AGAP1: variants seen among roughly 807,000 people sequenced by gnomAD.
The protein encoded by AGAP1 is arf-GAP with GTPase, ANK repeat and PH domain-containing protein 1.
Under a neutral mutation model 105.3 loss-of-function variants are expected in AGAP1, and 29 were observed. That is an observed-to-expected ratio of 0.28 (90% confidence interval 0.21 to 0.38). The LOEUF is 0.38. AGAP1 is among the 10% of genes least tolerant of loss of function. The pLI is 1.00. For synonymous variants in AGAP1, 509 were observed against 485.9 expected (o/e 1.05, Z -0.63); for missense variants, 998 against 1,165.1 (o/e 0.86, Z 2.09).
At chr2:235,653,333 G>A (rs971990120) in intron 1 of AGAP1, among the ~76,000 whole-genome samples, 5 of 151,906 alleles carry the variant, frequency 3.3e-5, no homozygotes, top group South Asian at 2.1e-4. Context: ...GTGTGGTGGC[G>A]GGCACCTGTG....
intron 1 of AGAP1, among the ~76,000 whole-genome samples, chr2:235,595,427 T>G (rs1364241973): frequency 2.0e-5 from 3 of 152,212 alleles, no homozygotes; most frequent in African/African-American, 4.8e-5. Flanking sequence ...CTCAGCTTAC[T>G]CTCACTCCTG....
At chr2:236,026,548 G>A (rs1276979316) in intron 13 of AGAP1, among the ~76,000 whole-genome samples, 1 of 152,184 alleles carries the variant, frequency 6.6e-6, no homozygotes, top group Non-Finnish European at 1.5e-5. Flanking sequence ...GGCCAACATG[G>A]CGAAACCTCA....
chr2:235,896,105 A>G (rs1425145814), intron 10 of AGAP1, among the ~76,000 whole-genome samples: 3 of 152,184 alleles, frequency 2.0e-5, no homozygotes, highest in African/African-American at 7.2e-5. Context: ...ACAAATTCCT[A>G]TCCCCCCTCC....
intron 3 of AGAP1, among the ~76,000 whole-genome samples, chr2:235,735,233 C>G (rs930470213): frequency 6.6e-6 from 1 of 152,206 alleles, no homozygotes; most frequent in Non-Finnish European, 1.5e-5. Context: ...TGATAGCTTT[C>G]AGTTCAATTA....
At position 235,953,863 on chromosome 2, in the gene AGAP1, G is replaced by C. The variant is rs893922199; in HGVS notation, c.1484-14599G>C. ...GCTGGAGCCCCAGGAGTTCAAGGCT[G>C]CAGTGAGCTTTGATCATGCCACTGC... On this transcript the variant is annotated intron_variant, in intron 12 of 17. Coordinates refer to ENST00000304032, the MANE Select transcript of AGAP1 (RefSeq NM_001037131.3). This position sits in a 1 kb window ranked among gnomAD's most constrained non-coding sequence, Gnocchi z 5.2. Among the ~76,000 whole-genome samples, 3 of 151,468 alleles carry C rather than the reference G, an allele frequency of 2.0e-5. No homozygotes were observed. The highest frequency in any genetic ancestry group is 7.3e-5 in the African/African-American group (3 of 41,198).
Position 235,965,411 on chromosome 2 carries a change from A to G in AGAP1, c.1484-3051A>G, listed in dbSNP as rs142912915. Among the ~76,000 whole-genome samples, 10 of 152,320 alleles carry G rather than the reference A, an allele frequency of 6.6e-5. No homozygotes were observed. The East Asian group carries it at 1.9e-3, about 29-fold the overall frequency. ...CGGGGGCGAAGGAAGGCACAGTGAA[A>G]CAGTGTGCCGTTTTGAAGAAGCAAT... On this transcript the variant is annotated intron_variant, in intron 12 of 17. Transcript: ENST00000304032. The surrounding 1 kb of genome is among the most constrained non-coding windows in gnomAD (Gnocchi z 5.8).
At chr2:235,782,687 A>G (rs912556008) in intron 6 of AGAP1, among the ~76,000 whole-genome samples, 1 of 152,214 alleles carries the variant, frequency 6.6e-6, no homozygotes, top group African/African-American at 2.4e-5. Context: ...TAGCAGTACC[A>G]GTGGGAGAAC....
rs1022669865 is a variant in AGAP1, at chr2:235,976,251, C to A, written c.1645+7628C>A. Among the ~76,000 whole-genome samples the A allele has an allele frequency of 1.1e-4, 16 of 152,160 alleles. No homozygotes were observed. Among genetic ancestry groups the A allele is most frequent in the African/African-American group, 3.6e-4 (15 of 41,430 alleles). ...GACAGTTTGCTCTCAGGTTGTAACT[C>A]CAGCTTCCAAGAGAATGAACTTGCT... is the stretch of plus-strand genomic sequence containing the variant. On this transcript the variant is annotated intron_variant, in intron 13 of 17. Transcript: ENST00000304032. The surrounding 1 kb of genome is among the most constrained non-coding windows in gnomAD (Gnocchi z 4.5).
At chr2:235,523,083 C>G (rs1224333782) in intron 1 of AGAP1, among the ~76,000 whole-genome samples, 1 of 152,188 alleles carries the variant, frequency 6.6e-6, no homozygotes, top group Non-Finnish European at 1.5e-5. Flanking sequence ...TGAGGGCTCT[C>G]TTCCTGGCTT....
At chr2:235,791,180 A>G (rs1272510754) in intron 6 of AGAP1, among the ~76,000 whole-genome samples, 3 of 152,210 alleles carry the variant, frequency 2.0e-5, no homozygotes, top group African/African-American at 7.2e-5. Flanking sequence ...AAAATTCTAC[A>G]TATTTCTTTT....
chr2:235,898,878 C>T (rs981314142), intron 10 of AGAP1, among the ~76,000 whole-genome samples: 3 of 152,078 alleles, frequency 2.0e-5, no homozygotes, highest in African/African-American at 7.2e-5. Context: ...TTTTGTCTTC[C>T]AAAGACTTCT....
chr2:235,494,616 CGGCCCGCGGGCCCCGGGGCGCGGG>C lies in AGAP1; in HGVS notation c.-69_-46del. 1 of 857,598 alleles carries C rather than the reference CGGCCCGCGGGCCCCGGGGCGCGGG, an allele frequency of 1.2e-6. No homozygotes were observed. The highest frequency in any genetic ancestry group is 1.4e-6 in the Non-Finnish European group (1 of 719,560). 53.1% of individuals were successfully genotyped at this position (857,598 alleles called of 1,614,324 possible). On this transcript the variant is annotated 5_prime_UTR_variant, in exon 1 of 18. Transcript: ENST00000304032. ...GGGGGCTGCGGCGCCCCGGGCTCGGCGGCCCGCGGGCCCCGGGGCGCGGGGCGGCGGCGGCGGGGGGCGCGCGGC... is the reference window on the plus strand; with the variant it reads ...GGGGGCTGCGGCGCCCCGGGCTCGGCGCGGCGGCGGCGGGGGGCGCGCGGC...
At chr2:235,831,448 G>A (rs2138494) in intron 9 of AGAP1, among the ~76,000 whole-genome samples, 24,023 of 152,130 alleles carry the variant, frequency 0.16, 2,251 homozygotes, top group South Asian at 0.26. Flanking sequence ...CAGTTTCACT[G>A]CCCTAAAAAT....
intron 13 of AGAP1, among the ~76,000 whole-genome samples, chr2:235,995,250 C>T (rs2055759705): frequency 6.6e-6 from 1 of 152,036 alleles, no homozygotes; most frequent in Non-Finnish European, 1.5e-5. Flanking sequence ...CCCAGTGGCT[C>T]ATGCCTGTAA....
rs998523279 is a variant in AGAP1, at chr2:235,741,688, C to T, written c.396+640C>T. 6.6e-6 allele frequency among the ~76,000 whole-genome samples: 1 copy of T among 151,172 alleles called. No homozygotes were observed. The highest frequency in any genetic ancestry group is 1.5e-5 in the Non-Finnish European group (1 of 67,814). On this transcript the variant is annotated intron_variant, in intron 4 of 17. Transcript: ENST00000304032. The surrounding 1 kb of genome is among the most constrained non-coding windows in gnomAD (Gnocchi z 4.9). ...TACAGCATAATTTACCAGTTAAGCA[C>T]TTTATTATTATTGTTATTATTATTA...
At chr2:235,540,832 C>T (rs1943411808) in intron 1 of AGAP1, among the ~76,000 whole-genome samples, 1 of 152,130 alleles carries the variant, frequency 6.6e-6, no homozygotes, top group Non-Finnish European at 1.5e-5. Context: ...GTGTAAACTT[C>T]ATGTTGGATA....
intron 10 of AGAP1, among the ~76,000 whole-genome samples, chr2:235,903,883 A>G (rs2051176637): frequency 6.6e-6 from 1 of 152,148 alleles, no homozygotes. Flanking sequence ...GTGATACAGC[A>G]GCGAATCAAT....
chr2:235,505,263 CAAG>C (rs1347205617), intron 1 of AGAP1, among the ~76,000 whole-genome samples: 1 of 152,202 alleles, frequency 6.6e-6, no homozygotes, highest in Non-Finnish European at 1.5e-5. Flanking sequence ...GTTGCCAACT[CAAG>C]GAGTAATTTT....
Position 236,087,973 on chromosome 2 carries a change from G to C in AGAP1, c.2115-32219G>C, listed in dbSNP as rs2058973315. Among the ~76,000 whole-genome samples the C allele has an allele frequency of 6.6e-6, 1 of 152,172 alleles. No homozygotes were observed. Among genetic ancestry groups the C allele is most frequent in the Admixed American group, 6.5e-5 (1 of 15,280 alleles). ...GACAGGGAGGACGAGAGACCTGCTT[G>C]GTATCCTTGGCCCCGGGGTCCAGGT... On this transcript the variant is annotated intron_variant, in intron 16 of 17. Transcript: ENST00000304032. The surrounding 1 kb of genome is among the most constrained non-coding windows in gnomAD (Gnocchi z 5.7).
Sources: gnomAD v4.1 joint callset for allele counts (sites outside exome capture counted in the v4.1 genomes callset) on GRCh38, gnomAD v4.1.1 for gene constraint, Gnocchi (gnomAD v3.1) non-coding constraint, MANE v1.5 for transcripts, NCBI Gene and HGNC (gene_info 2026-07-23, HGNC 2026-07-21) for gene names.